Variants in POT1 observed in about 807,000 individuals in gnomAD.
POT1 encodes the protein protection of telomeres protein 1.
A neutral mutation model predicts 78.5 loss-of-function variants in POT1; 47 were observed. That is an observed-to-expected ratio of 0.60 (90% CI 0.47 to 0.76). The LOEUF is 0.76. Among genes scored for constraint, POT1 ranks in the 30% least tolerant of loss-of-function variants. The pLI is 0.00. For synonymous variants in POT1, 259 were observed against 260.7 expected, an observed-to-expected ratio of 0.99 and a Z score of 0.06; for missense variants, 646 against 749.9, an observed-to-expected ratio of 0.86 and a Z score of 1.62.
intron 12 of POT1, among the ~76,000 whole-genome samples, chr7:124,846,545 G>A (rs1021812337): frequency 6.6e-6 from 1 of 151,784 alleles, no homozygotes; most frequent in African/African-American, 2.4e-5. Context: ...GCTCCTTTAT[G>A]GTACACTGTT....
chr7:124,832,477 A>T (rs919129163), intron 15 of POT1, among the ~76,000 whole-genome samples: 1 of 152,066 alleles, frequency 6.6e-6, no homozygotes. Flanking sequence ...TAAAATCTGG[A>T]GTGTGAACAG....
At chr7:124,825,207 T>C in intron 18 of POT1, 45 bp downstream of exon 18, 1 of 1,301,290 alleles carries the variant, frequency 7.7e-7, no homozygotes, top group Non-Finnish European at 1.1e-6. Flanking sequence ...GTTAGTGCTA[T>C]CTCAAGTAAA....
At chr7:124,874,297 G>C (rs1337810238) in intron 6 of POT1, among the ~76,000 whole-genome samples, 1 of 152,104 alleles carries the variant, frequency 6.6e-6, no homozygotes. Flanking sequence ...GCCCTAACAA[G>C]TACTATTAGT....
chr7:124,911,805 G>A (rs1236674926), intron 3 of POT1, among the ~76,000 whole-genome samples: 2 of 152,084 alleles, frequency 1.3e-5, no homozygotes, highest in African/African-American at 2.4e-5. Flanking sequence ...CTAACAGCTT[G>A]CTTGAAATGG....
rs1375637075 is a variant in POT1, at chr7:124,825,278, A to G, written c.1766T>C (p.Met589Thr). ...LQKSVDMIMD[M>T]FCPPGIKIDA... is the part of the protein sequence containing the mutation. ...AATTTTTATTCCTGGAGGACAAAAC[A>G]TATCCATGATCATATCCACACTTTT... Residue 589 changes from methionine to threonine, a missense_variant, in exon 18 of 19, where the codon ATG becomes ACG. Physicochemically the swap from Met to Thr is moderately conservative, Grantham distance 81. Around this residue, in one of 2 missense-constraint regions of POT1, gnomAD observed 394 missense variants for 408.4 expected, o/e 0.96. Transcript: ENST00000357628. 2 of 1,609,080 alleles carry G rather than the reference A, an allele frequency of 1.2e-6. No individual in the cohort carries two copies. The highest frequency in any genetic ancestry group is 1.7e-6 in the Non-Finnish European group (2 of 1,177,648).
intron 15 of POT1, among the ~76,000 whole-genome samples, chr7:124,832,394 AAAG>A (rs1405014045): frequency 2.0e-5 from 3 of 152,190 alleles, no homozygotes; most frequent in South Asian, 2.1e-4. Context: ...CCAAAAATAA[AAAG>A]AAGAATCAAT....
At chr7:124,874,539 C>G (rs868173994) in intron 6 of POT1, among the ~76,000 whole-genome samples, 1 of 151,982 alleles carries the variant, frequency 6.6e-6, no homozygotes, top group Admixed American at 6.6e-5. Context: ...TAAAGACCAG[C>G]CTGGCCAACG....
At chr7:124,826,900 A>AAACAAAC (rs543839030) in intron 17 of POT1, among the ~76,000 whole-genome samples, 3 of 148,072 alleles carry the variant, frequency 2.0e-5, no homozygotes, top group African/African-American at 4.9e-5. Context: ...ACAAACAAAC[A>AAACAAAC]AAAGTACGAT....
intron 6 of POT1, among the ~76,000 whole-genome samples, chr7:124,877,908 T>C (rs1004135029): frequency 4.7e-5 from 7 of 148,998 alleles, no homozygotes; most frequent in African/African-American, 1.5e-4. Flanking sequence ...GATTCCTTCA[T>C]GTTGTTTCAA....
At chr7:124,899,971 A>C (rs979695517) in intron 3 of POT1, among the ~76,000 whole-genome samples, 1 of 152,140 alleles carries the variant, frequency 6.6e-6, no homozygotes, top group African/African-American at 2.4e-5. Context: ...TCATAAGAAA[A>C]ATTTTTCTGA....
intron 2 of POT1, among the ~76,000 whole-genome samples, chr7:124,926,789 A>C (rs1305282568): frequency 6.6e-6 from 1 of 152,242 alleles, no homozygotes; most frequent in African/African-American, 2.4e-5. Flanking sequence ...ATGGATAGAA[A>C]TGGAGACCAT....
At chr7:124,844,422 C>T (rs564380712) in intron 12 of POT1, among the ~76,000 whole-genome samples, 6 of 149,644 alleles carry the variant, frequency 4.0e-5, no homozygotes, top group Admixed American at 4.0e-4. Flanking sequence ...AGCCACTGCA[C>T]CCAGCTGGTG....
intron 2 of POT1, among the ~76,000 whole-genome samples, chr7:124,920,705 G>A (rs879227684): frequency 6.6e-6 from 1 of 151,986 alleles, no homozygotes. Flanking sequence ...ATAACAATCT[G>A]TTAACCATGA....
chr7:124,905,213 C>T (rs1197145401), intron 3 of POT1, among the ~76,000 whole-genome samples: 1 of 152,172 alleles, frequency 6.6e-6, no homozygotes, highest in Admixed American at 6.5e-5. Flanking sequence ...ACGCATCACA[C>T]TACCTGACTC....
At chr7:124,824,975 G>A (rs1794594623) in intron 18 of POT1, among the ~76,000 whole-genome samples, 1 of 152,246 alleles carries the variant, frequency 6.6e-6, no homozygotes, top group South Asian at 2.1e-4. Context: ...TAAAATGCTT[G>A]TAGCATGACA....
chr7:124,892,075 C>A (rs925480522), intron 6 of POT1, among the ~76,000 whole-genome samples, 191 bp downstream of exon 6: 1 of 151,456 alleles, frequency 6.6e-6, no homozygotes, highest in Non-Finnish European at 1.5e-5. Flanking sequence ...CTGTCTTTAA[C>A]TAGACTCTAG....
intron 6 of POT1, among the ~76,000 whole-genome samples, chr7:124,875,197 T>C (rs900232634): frequency 5.3e-5 from 8 of 152,192 alleles, no homozygotes; most frequent in Non-Finnish European, 1.2e-4. Context: ...GCAATTACCA[T>C]ATGGCTCTAT....
At chr7:124,853,864 G>A (rs1255004441) in intron 9 of POT1, among the ~76,000 whole-genome samples, 1 of 152,028 alleles carries the variant, frequency 6.6e-6, no homozygotes, top group Non-Finnish European at 1.5e-5. Context: ...TGAGAGAGAT[G>A]CAGAATGCTA....
At chr7:124,924,304 T>C (rs1265371260) in intron 2 of POT1, among the ~76,000 whole-genome samples, 3 of 151,712 alleles carry the variant, frequency 2.0e-5, no homozygotes, top group Admixed American at 2.0e-4. Flanking sequence ...ACATTACAAC[T>C]GATACCACAG....
Sources: gnomAD v4.1 joint callset for allele counts (sites outside exome capture counted in the v4.1 genomes callset) on GRCh38, gnomAD v4.1.1 for gene constraint, gnomAD v4.1.1 regional missense constraint, MANE v1.5 for transcripts, NCBI Gene and HGNC (gene_info 2026-07-23, HGNC 2026-07-21) for gene names.